Variants in FRMD3 observed in about 807,000 individuals in gnomAD.
FRMD3 encodes the protein FERM domain containing 3.
FRMD3 carries 33 observed loss-of-function variants against 70.2 expected under a neutral mutation model. The ratio of observed to expected loss-of-function variants is 0.47; its 90% CI spans 0.36 to 0.63. The LOEUF (loss-of-function observed/expected upper bound fraction) is 0.63, where lower values mean the gene tolerates loss of function less well. Ranked by LOEUF, FRMD3 falls within the 20% of genes least tolerant of loss-of-function variation. The pLI, the probability that FRMD3 is intolerant of heterozygous loss-of-function variation, is 0.00. For missense variants in FRMD3, 632 were observed against 711.4 expected (o/e 0.89, Z 1.27); for synonymous variants, 279 against 255.9 (o/e 1.09, Z -0.86).
chr9:83,389,189 C>T (rs1203139733), intron 2 of FRMD3, among the ~76,000 whole-genome samples: 1 of 152,052 alleles, frequency 6.6e-6, no homozygotes, highest in African/African-American at 2.4e-5. Flanking sequence ...TTCAAGTGGT[C>T]CATTCATCTA....
At chr9:83,482,191 C>A (rs1828583582) in intron 1 of FRMD3, among the ~76,000 whole-genome samples, 1 of 152,196 alleles carries the variant, frequency 6.6e-6, no homozygotes, top group South Asian at 2.1e-4. Flanking sequence ...CTACTGGGTA[C>A]ATTTTTGGAA....
At chr9:83,574,751 T>C in the FRMD3 span, among the ~76,000 whole-genome samples, 2 of 152,262 alleles carry the variant, frequency 1.3e-5, no homozygotes, top group South Asian at 2.1e-4. Context: ...GGAAGCTGCA[T>C]CCCTTAGTCC....
In FRMD3 at chr9:83,526,380, T is replaced by C. The variant is rs749629990; in HGVS notation, c.147+11705A>G. Among the ~76,000 whole-genome samples, 5 of 152,230 alleles carry C rather than the reference T, an allele frequency of 3.3e-5. No homozygotes were observed. The South Asian group carries it at 8.3e-4, about 25-fold the overall frequency. ...ATTACCCAGTCATTGAAACTAACCA[T>C]GTGGAACTCATCCCAGATTCTCCTT... On this transcript the variant is annotated intron_variant, in intron 1 of 13. Coordinates refer to ENST00000304195, the MANE Select transcript of FRMD3 (RefSeq NM_174938.6).
At chr9:83,500,502 G>GCGCACACACACACA (rs1367435493) in intron 1 of FRMD3, among the ~76,000 whole-genome samples, 6 of 143,818 alleles carry the variant, frequency 4.2e-5, no homozygotes, top group African/African-American at 1.5e-4. Flanking sequence ...GTGTATGCGC[G>GCGCACACACACACA]CACACACACA....
intron 3 of FRMD3, among the ~76,000 whole-genome samples, chr9:83,352,344 G>A (rs901123553): frequency 5.3e-5 from 8 of 152,176 alleles, no homozygotes; most frequent in African/African-American, 1.9e-4. Flanking sequence ...GGCCCCAAAC[G>A]AGAGCTGTCC....
intron 13 of FRMD3, among the ~76,000 whole-genome samples, chr9:83,260,050 T>G (rs183525642): frequency 1.6e-4 from 25 of 152,260 alleles, no homozygotes; most frequent in Admixed American, 5.2e-4. Context: ...TTCTATAGTC[T>G]TGGACTTTTT....
chr9:83,518,563 C>A (rs746071429), intron 1 of FRMD3, among the ~76,000 whole-genome samples: 57 of 152,238 alleles, frequency 3.7e-4, no homozygotes, highest in Admixed American at 1.0e-3. Flanking sequence ...GGCTATACTG[C>A]CCAAAGTAAT....
chr9:83,474,586 G>A (rs1053728284), intron 1 of FRMD3, among the ~76,000 whole-genome samples: 1 of 152,000 alleles, frequency 6.6e-6, no homozygotes, highest in African/African-American at 2.4e-5. Context: ...AAATTTTAAA[G>A]CCTAAAAAAC....
At chr9:83,400,737 T>C (rs937853141) in intron 1 of FRMD3, among the ~76,000 whole-genome samples, 2 of 152,208 alleles carry the variant, frequency 1.3e-5, no homozygotes, top group African/African-American at 4.8e-5. Context: ...CACACAAATA[T>C]AGTCAACTGA....
chr9:83,446,538 T>C (rs1827473047), intron 1 of FRMD3, among the ~76,000 whole-genome samples: 1 of 150,654 alleles, frequency 6.6e-6, no homozygotes, highest in Non-Finnish European at 1.5e-5. Context: ...TCCCAGCTAC[T>C]CGGGAGGCTG....
chr9:83,285,234 C>T (rs1340941440), intron 13 of FRMD3, among the ~76,000 whole-genome samples: 1 of 152,190 alleles, frequency 6.6e-6, no homozygotes, highest in East Asian at 1.9e-4. Context: ...TTCACATATA[C>T]ACTCGGCACA....
At chr9:83,244,077 G>A (rs1050642051), downstream of FRMD3, among the ~76,000 whole-genome samples, 18 of 152,076 alleles carry the variant, frequency 1.2e-4, no homozygotes, top group Non-Finnish European at 2.5e-4. Context: ...GCGGTGAGCC[G>A]TGATCGTGCC....
intron 1 of FRMD3, among the ~76,000 whole-genome samples, chr9:83,489,289 C>A (rs922620170): frequency 1.3e-5 from 2 of 151,936 alleles, no homozygotes; most frequent in Non-Finnish European, 2.9e-5. Flanking sequence ...TTTTTCACAG[C>A]AAAAGAAACT....
chr9:83,307,756 C>T lies in FRMD3; in HGVS notation c.926+1780G>A, dbSNP rs753122166. Among the ~76,000 whole-genome samples, 24 of 152,214 alleles carry T rather than the reference C, an allele frequency of 1.6e-4. 1 individual carries two copies. The highest frequency in any genetic ancestry group is 6.8e-3 in the Middle Eastern group (2 of 294). Reference sequence around the variant, plus strand: ...AATGGCTATATCACTTTGTGAATTACACTAAAAACCACAAAACTGTATACT... The same window carrying T: ...AATGGCTATATCACTTTGTGAATTATACTAAAAACCACAAAACTGTATACT... On this transcript the variant is annotated intron_variant, in intron 10 of 13. Coordinates refer to ENST00000304195, the MANE Select transcript of FRMD3 (RefSeq NM_174938.6).
chr9:83,357,235 TATAATACATACATA>T (rs1824389668), intron 3 of FRMD3, among the ~76,000 whole-genome samples: 3 of 13,332 alleles, frequency 2.3e-4, no homozygotes, highest in African/African-American at 1.1e-3. Flanking sequence ...TTTATATATA[TATAATACATACATA>T]TATATATATA....
At chr9:83,513,192 A>G (rs1829377989) in intron 1 of FRMD3, among the ~76,000 whole-genome samples, 1 of 152,234 alleles carries the variant, frequency 6.6e-6, no homozygotes, top group Admixed American at 6.5e-5. Flanking sequence ...ACCTAGCCCT[A>G]CAAAGCATTT....
intron 2 of FRMD3, among the ~76,000 whole-genome samples, chr9:83,378,799 A>ATAT (rs1163938271): frequency 1.4e-4 from 17 of 118,202 alleles, no homozygotes; most frequent in African/African-American, 6.7e-4. Context: ...TGTATAATTT[A>ATAT]TATATATACT....
At chr9:83,496,683 G>A (rs781403884) in intron 1 of FRMD3, among the ~76,000 whole-genome samples, 7 of 152,132 alleles carry the variant, frequency 4.6e-5, no homozygotes, top group Non-Finnish European at 7.4e-5. Context: ...AGGAGATTTA[G>A]GAAAACATAG....
At chr9:83,546,841 A>C in the FRMD3 span, among the ~76,000 whole-genome samples, 17 of 140,278 alleles carry the variant, frequency 1.2e-4, no homozygotes, top group African/African-American at 4.5e-4. Context: ...GCACTGAGCC[A>C]AGATTGTGCC....
Sources: allele counts gnomAD v4.1 joint callset (sites outside exome capture counted in the v4.1 genomes callset), GRCh38; gene constraint gnomAD v4.1.1; transcripts MANE v1.5; gene names NCBI Gene and HGNC (gene_info 2026-07-23, HGNC 2026-07-21).